The following CFAP47 variants were observed in gnomAD, a reference collection of about 807,000 sequenced individuals.
CFAP47 encodes the protein cilia and flagella associated protein 47, also known as cilia- and flagella-associated protein 47.
A neutral mutation model predicts 148.1 loss-of-function variants in CFAP47; 29 were observed. The ratio of observed to expected loss-of-function variants is 0.20; its 90% CI spans 0.15 to 0.27. The LOEUF (loss-of-function observed/expected upper bound fraction) is 0.27. Among genes scored for constraint, CFAP47 ranks in the 10% least tolerant of loss-of-function variants. The pLI is 1.00. For synonymous variants in CFAP47, 664 were observed against 577.3 expected, an observed-to-expected ratio of 1.15 and a Z score of -2.15; for missense variants, 1,872 against 1,697.5, an observed-to-expected ratio of 1.10 and a Z score of -1.81.
At chrX:36,255,166 A>G (rs900165747) in intron 49 of CFAP47, among the ~76,000 whole-genome samples, 13 of 111,701 alleles carry the variant, frequency 1.2e-4, no homozygotes, top group Non-Finnish European at 2.4e-4. Context: ...GGCAGAACAA[A>G]CTAGGCAATG....
intron 32 of CFAP47, among the ~76,000 whole-genome samples, chrX:36,103,541 CAG>C (rs1938416870): frequency 1.1e-5 from 1 of 87,587 alleles, no homozygotes; most frequent in Non-Finnish European, 2.1e-5. Context: ...ATCCCTCAAG[CAG>C]AGACTTACAG....
intron 21 of CFAP47, among the ~76,000 whole-genome samples, chrX:36,006,637 A>C (rs1392476769): frequency 4.5e-5 from 5 of 112,206 alleles, no homozygotes; most frequent in African/African-American, 6.5e-5. Context: ...ATTTATTGTT[A>C]GTTGTAAACC....
At chrX:36,371,507 ATGTGTATATATATG>A (rs1160595281) in intron 62 of CFAP47, among the ~76,000 whole-genome samples, 11 of 105,205 alleles carry the variant, frequency 1.0e-4, no homozygotes, top group African/African-American at 2.4e-4. Context: ...GTGTATATAT[ATGTGTATATATATG>A]TGTGTATATA....
intron 55 of CFAP47, among the ~76,000 whole-genome samples, chrX:36,307,376 C>A (rs900462650): frequency 9.0e-6 from 1 of 110,935 alleles, no homozygotes; most frequent in African/African-American, 3.3e-5. Flanking sequence ...TCACCGTAGT[C>A]CTATAATGGA....
chrX:36,299,280 G>C (rs1556007391), intron 52 of CFAP47, 128 bp downstream of exon 52: 1 of 374,163 alleles, frequency 2.7e-6, no homozygotes, highest in African/African-American at 2.7e-5. Flanking sequence ...TTTAATACTA[G>C]TCCCTGAAAA....
At chrX:36,127,210 G>A (rs958069780) in intron 33 of CFAP47, among the ~76,000 whole-genome samples, 1 of 111,586 alleles carries the variant, frequency 9.0e-6, no homozygotes, top group Admixed American at 9.5e-5. Flanking sequence ...TTTCTTTGAG[G>A]GTTTTTATGG....
chrX:36,353,115 A>G (rs1247094821), intron 59 of CFAP47, among the ~76,000 whole-genome samples: 1 of 110,963 alleles, frequency 9.0e-6, no homozygotes, highest in African/African-American at 3.3e-5. Flanking sequence ...GGCATTTTCT[A>G]TAGTATTGTT....
intron 2 of CFAP47, among the ~76,000 whole-genome samples, chrX:35,930,530 G>A (rs1935811592): frequency 9.0e-6 from 1 of 111,087 alleles, no homozygotes; most frequent in South Asian, 3.8e-4. Context: ...AATATTGATA[G>A]CAATTATTTA....
chrX:36,187,280 G>A (rs1381492131), intron 40 of CFAP47, among the ~76,000 whole-genome samples: 2 of 111,944 alleles, frequency 1.8e-5, no homozygotes, highest in Non-Finnish European at 3.8e-5. Context: ...TGGGGATGAG[G>A]CAACTCTGAT....
At chrX:36,281,829 G>C (rs1422058857) in intron 50 of CFAP47, among the ~76,000 whole-genome samples, 2 of 111,511 alleles carry the variant, frequency 1.8e-5, no homozygotes, top group Admixed American at 9.6e-5. Flanking sequence ...AGTTGGGCCA[G>C]TTAGACTACT....
chrX:36,209,964 A>G (rs1555989278), intron 45 of CFAP47, among the ~76,000 whole-genome samples: 2 of 111,690 alleles, frequency 1.8e-5, no homozygotes, highest in African/African-American at 6.5e-5. Context: ...AGAAGTGCCT[A>G]TTTTGGAGAT....
intron 31 of CFAP47, among the ~76,000 whole-genome samples, chrX:36,099,260 C>G (rs1938332118): frequency 1.8e-5 from 2 of 110,993 alleles, no homozygotes; most frequent in Admixed American, 1.9e-4. Context: ...AGAAATGTAG[C>G]AAGAAATATA....
In CFAP47 at chrX:36,194,108, A is replaced by T. The variant is rs1939893915; in HGVS notation, c.6321+3912A>T. Among the ~76,000 whole-genome samples the T allele has an allele frequency of 4.5e-5, 5 of 111,867 alleles. No individual in the cohort carries two copies. The South Asian group carries it at 1.9e-3, about 42-fold the overall frequency. ...TAGAGAATGACTATATCACATTTTAAAAAGTTTGTATCCTTCAAGCTGGAT... is the reference window on the plus strand; with the variant it reads ...TAGAGAATGACTATATCACATTTTATAAAGTTTGTATCCTTCAAGCTGGAT... On this transcript the variant is annotated intron_variant, in intron 42 of 63. Transcript: ENST00000378653.
chrX:36,231,612 C>T (rs1940361338), intron 46 of CFAP47, among the ~76,000 whole-genome samples: 1 of 111,087 alleles, frequency 9.0e-6, no homozygotes, highest in African/African-American at 3.3e-5. Flanking sequence ...ATTTCCTTCT[C>T]CTGCCTGACT....
Position 35,975,847 on chromosome X carries a change from G to C in CFAP47, c.2647G>C (p.Ala883Pro). 1 of 1,208,747 alleles carries C rather than the reference G, an allele frequency of 8.3e-7. No homozygotes were observed. Among genetic ancestry groups the C allele is most frequent in the Non-Finnish European group, 1.1e-6 (1 of 892,863 alleles). Residue 883 changes from alanine (A) to proline (P), a missense_variant, in exon 15 of 64, where the codon GCT becomes CCT. Transcript: ENST00000378653. ...ATTGTATAATCGTCAGAATTGTTGT[G>C]CTCAGTTTCAATGGCAACCCGTAAA... ...VRLYNRQNCC[A>P]QFQWQPVNTG...
chrX:36,238,115 C>T lies in CFAP47; in HGVS notation c.7332+1256C>T, dbSNP rs1314179678. ...TTATGATATGGTTTGGTTGTGTCCC[C>T]ACCCAAATCTCATCTTGAATTGTAG... On this transcript the variant is annotated intron_variant, in intron 48 of 63. Transcript: ENST00000378653. Among the ~76,000 whole-genome samples, 5 of 110,874 alleles carry T rather than the reference C, an allele frequency of 4.5e-5. No individual in the cohort carries two copies. The East Asian group carries it at 1.1e-3, about 25-fold the overall frequency.
intron 33 of CFAP47, among the ~76,000 whole-genome samples, chrX:36,119,673 A>T (rs749097746): frequency 1.8e-5 from 2 of 111,836 alleles, no homozygotes; most frequent in Admixed American, 9.6e-5. Context: ...TACAACAGTG[A>T]ATCCATCAGG....
At chrX:36,136,768 C>T (rs1200996811) in intron 33 of CFAP47, among the ~76,000 whole-genome samples, 6 of 111,457 alleles carry the variant, frequency 5.4e-5, no homozygotes, top group Non-Finnish European at 1.1e-4. Flanking sequence ...AAGAGAAGCA[C>T]ATGTAGGTTA....
intron 4 of CFAP47, among the ~76,000 whole-genome samples, chrX:35,948,673 C>A (rs1463401758): frequency 9.0e-6 from 1 of 111,406 alleles, no homozygotes; most frequent in Non-Finnish European, 1.9e-5. Flanking sequence ...TTTTGAATTT[C>A]ATTGAGGTGA....
Sources: allele counts gnomAD v4.1 joint callset (sites outside exome capture counted in the v4.1 genomes callset), GRCh38; gene constraint gnomAD v4.1.1; transcripts MANE v1.5; gene names NCBI Gene and HGNC (gene_info 2026-07-23, HGNC 2026-07-21).